SOX5: variants seen among roughly 807,000 people sequenced by gnomAD.
The protein encoded by SOX5 is transcription factor SOX-5.
Under a neutral mutation model 92.0 loss-of-function variants are expected in SOX5, and 9 were observed. The ratio of observed to expected loss-of-function variants is 0.10; its 90% CI spans 0.06 to 0.17. SOX5 has a LOEUF of 0.17. Ranked by LOEUF, SOX5 falls within the 10% of genes least tolerant of loss-of-function variation. The pLI is 1.00. For synonymous variants in SOX5, 344 were observed against 336.3 expected (o/e 1.02, Z -0.25); for missense variants, 642 against 944.5 (o/e 0.68, Z 4.20).
intron 1 of SOX5, among the ~76,000 whole-genome samples, chr12:24,380,332 A>G (rs927403692): frequency 1.3e-5 from 2 of 152,236 alleles, no homozygotes; most frequent in African/African-American, 4.8e-5. Context: ...GAGGATTAAC[A>G]GAATTCCTTT....
intron 8 of SOX5, among the ~76,000 whole-genome samples, chr12:23,617,144 A>C (rs1238962351): frequency 1.3e-5 from 2 of 151,514 alleles, no homozygotes; most frequent in African/African-American, 4.8e-5. Context: ...AAAAAAAAAA[A>C]AAAAGATAGA....
intron 4 of SOX5, among the ~76,000 whole-genome samples, chr12:24,143,943 A>G (rs1950832766): frequency 1.3e-5 from 2 of 152,056 alleles, no homozygotes; most frequent in African/African-American, 4.8e-5. Context: ...ACAATTTTCC[A>G]AGTTTCATAC....
At chr12:24,189,078 A>C (rs1956277798) in intron 4 of SOX5, among the ~76,000 whole-genome samples, 1 of 152,148 alleles carries the variant, frequency 6.6e-6, no homozygotes, top group South Asian at 2.1e-4. Context: ...CATTTTTGCT[A>C]CAGTAACTTT....
At chr12:23,644,070 C>A (rs2080499603) in intron 7 of SOX5, among the ~76,000 whole-genome samples, 1 of 152,156 alleles carries the variant, frequency 6.6e-6, no homozygotes, top group African/African-American at 2.4e-5. Context: ...CCTTCTAATG[C>A]ACAGAATATG....
intron 2 of SOX5, among the ~76,000 whole-genome samples, chr12:24,317,021 T>C (rs942071142): frequency 1.3e-5 from 2 of 152,192 alleles, no homozygotes; most frequent in Non-Finnish European, 2.9e-5. Flanking sequence ...AACTAAACTG[T>C]TGAAAATGTC....
intron 12 of SOX5, among the ~76,000 whole-genome samples, chr12:23,543,908 A>G (rs1942625346): frequency 6.6e-6 from 1 of 152,214 alleles, no homozygotes; most frequent in South Asian, 2.1e-4. Context: ...TAAAAACAAT[A>G]TAGGTATTTC....
intron 1 of SOX5, among the ~76,000 whole-genome samples, chr12:24,488,106 A>AG (rs1309058526): frequency 6.6e-6 from 1 of 152,184 alleles, no homozygotes; most frequent in Non-Finnish European, 1.5e-5. Context: ...TTTTAAAAAG[A>AG]GAAAAAAATG....
At chr12:23,880,039 C>T (rs1482405871) in intron 2 of SOX5, among the ~76,000 whole-genome samples, 2 of 152,206 alleles carry the variant, frequency 1.3e-5, no homozygotes, top group East Asian at 3.9e-4. Flanking sequence ...GATATATAGC[C>T]CCAGTGTGAG....
At chr12:24,207,969 A>T (rs1488684081) in intron 4 of SOX5, among the ~76,000 whole-genome samples, 3 of 152,224 alleles carry the variant, frequency 2.0e-5, no homozygotes, top group African/African-American at 4.8e-5. Flanking sequence ...AAAAATTTTT[A>T]AAAAAGAATA....
intron 2 of SOX5, among the ~76,000 whole-genome samples, chr12:24,293,214 G>T (rs906464592): frequency 6.6e-6 from 1 of 152,050 alleles, no homozygotes; most frequent in Non-Finnish European, 1.5e-5. Flanking sequence ...TGGAAGGAGA[G>T]TTGGAATACA....
intron 2 of SOX5, among the ~76,000 whole-genome samples, chr12:23,884,831 G>A (rs2097045455): frequency 6.6e-6 from 1 of 152,182 alleles, no homozygotes; most frequent in Non-Finnish European, 1.5e-5. Flanking sequence ...GATAATCAAT[G>A]TAGGGTGGCT....
chr12:24,395,466 T>C (rs1203837460), intron 1 of SOX5, among the ~76,000 whole-genome samples: 3 of 152,230 alleles, frequency 2.0e-5, no homozygotes, highest in Admixed American at 6.5e-5. Flanking sequence ...GCTGCAAGTA[T>C]ATGAGCAAGT....
At chr12:23,696,714 A>G (rs145585764) in intron 6 of SOX5, among the ~76,000 whole-genome samples, 1 of 152,260 alleles carries the variant, frequency 6.6e-6, no homozygotes, top group Non-Finnish European at 1.5e-5. Flanking sequence ...CTTTTCCAAT[A>G]TATATACTTA....
chr12:23,887,893 G>T (rs79908759), intron 2 of SOX5, among the ~76,000 whole-genome samples: 2,645 of 148,058 alleles, frequency 0.018, 79 homozygotes, highest in African/African-American at 0.062. Context: ...ACCTTGAATT[G>T]ATGGTAATTG....
At chr12:24,039,550 A>G (rs926054671) in intron 4 of SOX5, among the ~76,000 whole-genome samples, 37 of 152,350 alleles carry the variant, frequency 2.4e-4, no homozygotes, top group Non-Finnish European at 5.9e-5. Context: ...ATCCAACATG[A>G]TTCACATTTA....
chr12:23,778,891 G>T (rs1399392561), intron 3 of SOX5, among the ~76,000 whole-genome samples: 1 of 152,176 alleles, frequency 6.6e-6, no homozygotes, highest in African/African-American at 2.4e-5. Flanking sequence ...CTAGAGTACT[G>T]AAGGTAGAAA....
At chr12:23,689,469 C>G (rs554873072) in intron 6 of SOX5, among the ~76,000 whole-genome samples, 141 of 152,210 alleles carry the variant, frequency 9.3e-4, no homozygotes, top group African/African-American at 3.3e-3. Context: ...CTGCCATATA[C>G]TACTTTTATT....
intron 4 of SOX5, among the ~76,000 whole-genome samples, chr12:24,027,041 A>G (rs1954967582): frequency 6.6e-6 from 1 of 152,066 alleles, no homozygotes; most frequent in Non-Finnish European, 1.5e-5. Context: ...CCAATCCACT[A>G]AAACTGATCA....
intron 1 of SOX5, among the ~76,000 whole-genome samples, chr12:23,937,448 C>T (rs548699612): frequency 1.3e-5 from 2 of 151,062 alleles, no homozygotes; most frequent in African/African-American, 4.8e-5. Flanking sequence ...TGAAACAGTA[C>T]TGCTCTGATT....
Sources: allele counts gnomAD v4.1 joint callset (sites outside exome capture counted in the v4.1 genomes callset), GRCh38; gene constraint gnomAD v4.1.1; transcripts MANE v1.5; gene names NCBI Gene and HGNC (gene_info 2026-07-23, HGNC 2026-07-21).